The following TMEM108 variants were observed in gnomAD, a reference collection of about 807,000 sequenced individuals.
TMEM108 encodes transmembrane protein 108.
Under a neutral mutation model 35.1 loss-of-function variants are expected in TMEM108, and 12 were observed. The observed-to-expected ratio is 0.34, with a 90% CI of 0.22 to 0.55. The LOEUF is 0.55. Ranked by LOEUF, TMEM108 falls within the 20% of genes least tolerant of loss-of-function variation. The probability of loss-of-function intolerance (pLI) is 0.89; values close to 1 mark genes in which losing one functional copy is unlikely to be tolerated. For synonymous variants in TMEM108, 287 were observed against 308.6 expected (o/e 0.93, Z 0.73); for missense variants, 680 against 753.3 (o/e 0.90, Z 1.14).
At chr3:133,064,134 C>G (rs1943568065) in intron 2 of TMEM108, among the ~76,000 whole-genome samples, 1 of 152,096 alleles carries the variant, frequency 6.6e-6, no homozygotes, top group South Asian at 2.1e-4. Flanking sequence ...CTGTAAGACT[C>G]TATTGAATTG....
At chr3:133,199,143 C>G (rs531439394) in intron 2 of TMEM108, among the ~76,000 whole-genome samples, 1 of 152,254 alleles carries the variant, frequency 6.6e-6, no homozygotes, top group Non-Finnish European at 1.5e-5. Flanking sequence ...TCCATCAGGT[C>G]CCTTAAGGAC....
At chr3:133,277,768 C>G (rs1398761) in intron 3 of TMEM108, among the ~76,000 whole-genome samples, 147,072 of 152,322 alleles carry the variant, frequency 0.97, 71,191 homozygotes, top group East Asian at 1. Flanking sequence ...TTGCTGAGTG[C>G]CATGCAACAG....
At chr3:133,168,704 G>A (rs1353296067) in intron 2 of TMEM108, among the ~76,000 whole-genome samples, 1 of 152,216 alleles carries the variant, frequency 6.6e-6, no homozygotes, top group East Asian at 1.9e-4. Flanking sequence ...TGAGCCAGCA[G>A]CGGCAACCCA....
intron 3 of TMEM108, among the ~76,000 whole-genome samples, chr3:133,372,317 A>T (rs763263975): frequency 2.0e-5 from 3 of 152,174 alleles, no homozygotes; most frequent in Non-Finnish European, 2.9e-5. Flanking sequence ...GTACTGCTAC[A>T]TGGTGGTCAT....
chr3:133,114,485 A>G (rs1053324990), intron 2 of TMEM108, among the ~76,000 whole-genome samples: 5 of 152,152 alleles, frequency 3.3e-5, no homozygotes, highest in African/African-American at 7.2e-5. Context: ...TTTTAGTACC[A>G]TAGTATTGAT....
intron 4 of TMEM108, chr3:133,386,513 C>T (rs1377510187): frequency 6.5e-7 from 1 of 1,534,502 alleles, no homozygotes; most frequent in Non-Finnish European, 8.7e-7. Flanking sequence ...CCTCTTCTTC[C>T]TGTCACACAT....
intron 2 of TMEM108, among the ~76,000 whole-genome samples, chr3:133,073,524 A>T (rs1484891354): frequency 9.2e-6 from 1 of 108,392 alleles, no homozygotes; most frequent in Non-Finnish European, 1.8e-5. Context: ...ATATATATAT[A>T]TATATATATA....
intron 2 of TMEM108, among the ~76,000 whole-genome samples, chr3:133,163,021 G>C (rs901491525): frequency 4.6e-5 from 7 of 152,156 alleles, no homozygotes; most frequent in African/African-American, 1.7e-4. Context: ...CTGCATCTAA[G>C]GAATTTGAGT....
intron 2 of TMEM108, among the ~76,000 whole-genome samples, chr3:133,203,570 T>C (rs939243327): frequency 6.6e-6 from 1 of 152,226 alleles, no homozygotes; most frequent in Non-Finnish European, 1.5e-5. Flanking sequence ...TTTTTGTCAT[T>C]GGTTCTGTTT....
intron 3 of TMEM108, among the ~76,000 whole-genome samples, chr3:133,349,104 G>T (rs1290924493): frequency 6.6e-6 from 1 of 152,062 alleles, no homozygotes; most frequent in Non-Finnish European, 1.5e-5. Flanking sequence ...AAAATATACA[G>T]GTGAGCAATA....
chr3:133,260,075 C>T (rs549227450), intron 3 of TMEM108, among the ~76,000 whole-genome samples: 6 of 152,176 alleles, frequency 3.9e-5, no homozygotes, highest in Admixed American at 3.3e-4. Flanking sequence ...GCACCTTGAG[C>T]CAGGTGTTAA....
At chr3:133,232,658 G>T (rs952475867) in intron 3 of TMEM108, among the ~76,000 whole-genome samples, 3 of 152,168 alleles carry the variant, frequency 2.0e-5, no homozygotes, top group Admixed American at 6.5e-5. Flanking sequence ...GCCCAGCTGG[G>T]GCTAAGGGAT....
At chr3:133,149,408 C>G (rs1189744634) in intron 2 of TMEM108, among the ~76,000 whole-genome samples, 2 of 152,128 alleles carry the variant, frequency 1.3e-5, no homozygotes, top group Non-Finnish European at 2.9e-5. Context: ...TTTAAGTATA[C>G]AATACATTAT....
chr3:133,390,057 C>G, intron 4 of TMEM108, 123 bp from the exon 5 acceptor site: 1 of 1,189,722 alleles, frequency 8.4e-7, no homozygotes, highest in Non-Finnish European at 1.2e-6. Context: ...GTTCACCATG[C>G]CCTGCCCCTT....
chr3:133,209,655 G>A (rs57509487), intron 2 of TMEM108, among the ~76,000 whole-genome samples: 3,689 of 152,178 alleles, frequency 0.024, 148 homozygotes, highest in African/African-American at 0.082. Context: ...GGTCCCCAGC[G>A]GGGAAGGAGG....
chr3:133,052,722 G>A (rs1254876694), intron 2 of TMEM108, among the ~76,000 whole-genome samples: 3 of 151,708 alleles, frequency 2.0e-5, no homozygotes, highest in South Asian at 2.1e-4. Context: ...ATGTTGGAGG[G>A]GGCTCAGTTT....
intron 3 of TMEM108, among the ~76,000 whole-genome samples, chr3:133,263,411 A>C (rs1330681706): frequency 2.0e-5 from 3 of 152,208 alleles, no homozygotes; most frequent in Admixed American, 2.0e-4. Flanking sequence ...CCTGATCACA[A>C]TTAAAGTAAA....
At chr3:133,229,187 G>T (rs1946116412) in intron 2 of TMEM108, 79 bp from the exon 3 acceptor site, 1 of 899,312 alleles carries the variant, frequency 1.1e-6, no homozygotes, top group Non-Finnish European at 1.7e-6. Flanking sequence ...TTATAACCAA[G>T]ATCCTATTGA....
At chr3:133,191,970 A>G (rs1392775092) in intron 2 of TMEM108, among the ~76,000 whole-genome samples, 4 of 152,096 alleles carry the variant, frequency 2.6e-5, no homozygotes, top group African/African-American at 4.8e-5. Flanking sequence ...AGAGTGGCCC[A>G]ACTTCTCAAG....
Sources: gnomAD v4.1 joint callset for allele counts (sites outside exome capture counted in the v4.1 genomes callset) on GRCh38, gnomAD v4.1.1 for gene constraint, MANE v1.5 for transcripts, NCBI Gene and HGNC (gene_info 2026-07-23, HGNC 2026-07-21) for gene names.